Variants in FAM13C observed in about 807,000 individuals in gnomAD.
FAM13C encodes the protein protein FAM13C.
FAM13C carries 37 observed loss-of-function variants against 73.2 expected under a neutral mutation model. The observed-to-expected ratio is 0.51, with a 90% CI of 0.39 to 0.67. The LOEUF is 0.67. FAM13C is among the 30% of genes least tolerant of loss of function. The pLI, the probability that FAM13C is intolerant of heterozygous loss-of-function variation, is 0.00. For synonymous variants in FAM13C, 246 were observed against 260.9 expected (o/e 0.94, Z 0.55); for missense variants, 589 against 715.6 (o/e 0.82, Z 2.02).
At chr10:59,324,382 TA>T (rs1261155594) in intron 3 of FAM13C, among the ~76,000 whole-genome samples, 1 of 152,102 alleles carries the variant, frequency 6.6e-6, no homozygotes, top group Non-Finnish European at 1.5e-5. Context: ...TTACAGACAT[TA>T]AAAATGATGT....
chr10:59,354,915 C>A (rs899746232), intron 2 of FAM13C, among the ~76,000 whole-genome samples: 28 of 151,960 alleles, frequency 1.8e-4, no homozygotes, highest in African/African-American at 6.3e-4. Context: ...TCAAACAATT[C>A]TCTCTACCCT....
chr10:59,349,777 A>G (rs1292025828), intron 3 of FAM13C, among the ~76,000 whole-genome samples: 1 of 152,152 alleles, frequency 6.6e-6, no homozygotes, highest in Non-Finnish European at 1.5e-5. Flanking sequence ...AATAAAAATA[A>G]TAATAAGATT....
intron 4 of FAM13C, among the ~76,000 whole-genome samples, chr10:59,313,388 C>T (rs1415279081): frequency 6.6e-6 from 1 of 152,180 alleles, no homozygotes. Context: ...CCTGGGTCTC[C>T]TTTGTTGCAC....
At chr10:59,270,530 A>G (rs997726391) in intron 6 of FAM13C, among the ~76,000 whole-genome samples, 1 of 152,144 alleles carries the variant, frequency 6.6e-6, no homozygotes, top group African/African-American at 2.4e-5. Context: ...AAGGGAGAGA[A>G]GGGAGTAGGA....
Position 59,262,341 on chromosome 10 carries a change from A to T in FAM13C, c.1236+93T>A, listed in dbSNP as rs72808524. On this transcript the variant is annotated intron_variant, in intron 10 of 13. Coordinates refer to ENST00000618804, the MANE Select transcript of FAM13C (RefSeq NM_198215.4). ...TGGAGCCAGGCTAATAAAAATATTG[A>T]TGTAATGGCAAAGTGCTCTGACAAA... 4,921 of 1,149,288 alleles carry T rather than the reference A, an allele frequency of 4.3e-3. 16 individuals carry two copies. The highest frequency in any genetic ancestry group is 5.6e-3 in the Non-Finnish European group (4,461 of 798,990). 71.2% of individuals were successfully genotyped at this position (1,149,288 alleles called of 1,614,324 possible).
At chr10:59,362,646 A>G, upstream of FAM13C, 1 of 1,330,556 alleles carries the variant, frequency 7.5e-7, no homozygotes, top group Non-Finnish European at 9.9e-7. Context: ...GCGAACCACA[A>G]AGCCCGGCAG....
chr10:59,360,944 G>A (rs1856329654), intron 1 of FAM13C: 1 of 1,076,430 alleles, frequency 9.3e-7, no homozygotes. Context: ...ACTGACCGAG[G>A]ATTTGGCCAC....
intron 3 of FAM13C, among the ~76,000 whole-genome samples, chr10:59,341,450 G>A (rs913297572): frequency 6.6e-6 from 1 of 152,158 alleles, no homozygotes; most frequent in Non-Finnish European, 1.5e-5. Flanking sequence ...CACTTTGAGA[G>A]GCCGAGGCGG....
At chr10:59,343,552 TG>T (rs1268545465) in intron 3 of FAM13C, among the ~76,000 whole-genome samples, 3 of 152,176 alleles carry the variant, frequency 2.0e-5, no homozygotes, top group Non-Finnish European at 2.9e-5. Context: ...CATTGAGTTA[TG>T]GGGTTATGGT....
chr10:59,285,511 C>T (rs1376557487), intron 5 of FAM13C, among the ~76,000 whole-genome samples: 2 of 152,162 alleles, frequency 1.3e-5, no homozygotes, highest in Non-Finnish European at 2.9e-5. Context: ...CAAAATGGTG[C>T]TGCCACTATG....
intron 2 of FAM13C, among the ~76,000 whole-genome samples, chr10:59,353,000 A>T (rs1274991149): frequency 6.6e-6 from 1 of 152,178 alleles, no homozygotes; most frequent in East Asian, 1.9e-4. Context: ...ATCCCCCTAC[A>T]ACTTTCAGAG....
intron 1 of FAM13C, 24 bp from the exon 2 acceptor site, chr10:59,355,967 A>G: frequency 6.2e-7 from 1 of 1,610,318 alleles, no homozygotes; most frequent in South Asian, 1.1e-5. Flanking sequence ...AAGAAAAATC[A>G]CATCAGATCC....
At chr10:59,262,728 CT>C (rs1842638184) in intron 9 of FAM13C, 83 bp from the exon 10 acceptor site, 13 of 1,169,694 alleles carry the variant, frequency 1.1e-5, no homozygotes, top group Admixed American at 4.1e-5. Context: ...ATTCCTTCCC[CT>C]GATGCCAAAT....
chr10:59,324,277 A>G (rs1469387362), intron 3 of FAM13C, among the ~76,000 whole-genome samples, 171 bp from the exon 4 acceptor site: 2 of 152,162 alleles, frequency 1.3e-5, no homozygotes, highest in Admixed American at 6.5e-5. Context: ...AAAAGCTTCT[A>G]TCAGTCAGTT....
rs570917869 is a variant in FAM13C, at chr10:59,354,315, C to T, written c.119+1572G>A. On this transcript the variant is annotated intron_variant, in intron 2 of 13. Transcript: ENST00000618804. The stretch of plus-strand genomic sequence containing the variant: ...AAGCATCTTTCTTGCATTACACAAA[C>T]GTAAAACCTGGTTACAAAAGTCATA... Among the ~76,000 whole-genome samples the T allele has an allele frequency of 1.4e-4, 22 of 152,242 alleles. 1 individual carries two copies. In the South Asian group the frequency reaches 1.7e-3, roughly 11 times the overall value.
chr10:59,309,815 A>G (rs1011227811), intron 4 of FAM13C, among the ~76,000 whole-genome samples: 1 of 152,232 alleles, frequency 6.6e-6, no homozygotes, highest in African/African-American at 2.4e-5. Flanking sequence ...TCTAGGGCCA[A>G]GTCTGGCATA....
chr10:59,258,831 A>T (rs1842196102), intron 10 of FAM13C, among the ~76,000 whole-genome samples: 1 of 152,184 alleles, frequency 6.6e-6, no homozygotes, highest in African/African-American at 2.4e-5. Flanking sequence ...TAAGTTATTA[A>T]TTTTTTATTG....
Position 59,247,637 on chromosome 10 carries a change from G to A in FAM13C, c.1735C>T (p.Gln579Ter), listed in dbSNP as rs754449681. Residue 579 changes from glutamine to a stop codon, truncating the protein, a stop_gained, in exon 14 of 14, where the codon CAA (glutamine) becomes TAA (stop). Coordinates refer to ENST00000618804, the MANE Select transcript of FAM13C (RefSeq NM_198215.4). LOFTEE classifies it high-confidence loss of function. Reference protein sequence around the residue: ...LRLLEVLISKQDVAKTI With the variant: ...LRLLEVLISK ...CCTCAAATAGTTTTGGCCACATCTT[G>A]CTTGCTGATGAGGACCTCTAATAGT... The A allele has an allele frequency of 6.2e-7, 1 of 1,613,236 alleles. No homozygotes were observed. The highest frequency in any genetic ancestry group is 1.3e-5 in the African/African-American group (1 of 74,862).
At chr10:59,269,210 A>G (rs1843419610) in intron 7 of FAM13C, among the ~76,000 whole-genome samples, 1 of 152,100 alleles carries the variant, frequency 6.6e-6, no homozygotes, top group Non-Finnish European at 1.5e-5. Context: ...TAGATAGTTC[A>G]TGGACCCAGG....
Sources: allele counts gnomAD v4.1 joint callset (sites outside exome capture counted in the v4.1 genomes callset), GRCh38; gene constraint gnomAD v4.1.1; transcripts MANE v1.5; gene names NCBI Gene and HGNC (gene_info 2026-07-23, HGNC 2026-07-21).